Variants in ADCY5 observed in about 807,000 individuals in gnomAD.
ADCY5 encodes the protein adenylate cyclase type 5.
A neutral mutation model predicts 119.7 loss-of-function variants in ADCY5; 30 were observed. The ratio of observed to expected loss-of-function variants is 0.25; its 90% CI spans 0.19 to 0.34. The LOEUF (loss-of-function observed/expected upper bound fraction) is 0.34, where lower values mean the gene tolerates loss of function less well. ADCY5 is among the 10% of genes least tolerant of loss of function. ADCY5 has a pLI of 1.00. For missense variants in ADCY5, 1,324 were observed against 1,775.2 expected, an observed-to-expected ratio of 0.75 and a Z score of 4.57; for synonymous variants, 753 against 762.2, an observed-to-expected ratio of 0.99 and a Z score of 0.20.
At chr3:123,317,957 C>A in intron 11 of ADCY5, 63 bp downstream of exon 11, 1 of 1,464,202 alleles carries the variant, frequency 6.8e-7, no homozygotes, top group Non-Finnish European at 9.5e-7. Flanking sequence ...ATGACCACCC[C>A]CTCCCACTCC....
At chr3:123,320,406 C>T (rs1011164566) in intron 9 of ADCY5, among the ~76,000 whole-genome samples, 4 of 152,226 alleles carry the variant, frequency 2.6e-5, no homozygotes, top group Non-Finnish European at 5.9e-5. Context: ...GAGAAGAGGG[C>T]ATTGCCTCGG....
At chr3:123,351,451 G>A (rs1472236819) in intron 2 of ADCY5, among the ~76,000 whole-genome samples, 10 of 152,210 alleles carry the variant, frequency 6.6e-5, no homozygotes, top group Non-Finnish European at 1.5e-5. Flanking sequence ...ATCAGCCATG[G>A]GGGCTGACGC....
chr3:123,315,249 G>A (rs1021558642), intron 11 of ADCY5, among the ~76,000 whole-genome samples: 34 of 152,344 alleles, frequency 2.2e-4, no homozygotes, highest in Middle Eastern at 3.4e-3. Flanking sequence ...TTCAAACAGC[G>A]TCTTTGTTCC....
chr3:123,367,749 G>A (rs548817702), intron 1 of ADCY5, among the ~76,000 whole-genome samples: 50 of 151,996 alleles, frequency 3.3e-4, no homozygotes, highest in African/African-American at 1.0e-3. Flanking sequence ...AGCTTCCCTC[G>A]TGCCTTCCCC....
intron 1 of ADCY5, among the ~76,000 whole-genome samples, chr3:123,381,137 C>G (rs1375513567): frequency 6.6e-6 from 1 of 152,240 alleles, no homozygotes; most frequent in African/African-American, 2.4e-5. Context: ...GAATTTAATA[C>G]TCTGTTTCAG....
At chr3:123,319,081 T>C (rs1456452850) in intron 10 of ADCY5, among the ~76,000 whole-genome samples, 1 of 152,176 alleles carries the variant, frequency 6.6e-6, no homozygotes, top group Non-Finnish European at 1.5e-5. Context: ...CTGCTGGGCA[T>C]GGTGGCTCAC....
chr3:123,318,954 C>T (rs1300241465), intron 10 of ADCY5, among the ~76,000 whole-genome samples: 1 of 152,174 alleles, frequency 6.6e-6, no homozygotes, highest in African/African-American at 2.4e-5. Context: ...ACCTTGAGGT[C>T]CCAATGTGAC....
chr3:123,339,689 G>C (rs922208386), intron 3 of ADCY5, among the ~76,000 whole-genome samples: 1 of 152,096 alleles, frequency 6.6e-6, no homozygotes, highest in Non-Finnish European at 1.5e-5. Flanking sequence ...TCCTAGATTC[G>C]ACTAAGGGCC....
In ADCY5 at chr3:123,396,819, C is replaced by CGAGAGAGAGA. The variant is rs146072347; in HGVS notation, c.1135-44248_1135-44239dup. ...GCAGGCAGGCAGGCAGGCAGGCAGG[C>CGAGAGAGAGA]GAGAGAGAGAGAGAGAGAGAGAGAC... On this transcript the variant is annotated intron_variant, in intron 1 of 20. Coordinates refer to ENST00000462833, the MANE Select transcript of ADCY5 (RefSeq NM_183357.3). 1.7e-3 allele frequency among the ~76,000 whole-genome samples: 104 copies of CGAGAGAGAGA among 62,354 alleles called. 5 individuals carry two copies. The highest frequency in any genetic ancestry group is 5.8e-3 in the African/African-American group (101 of 17,312). The allele number at this position is 62,354 out of a possible 152,430, so 40.9% of individuals were successfully genotyped here.
chr3:123,353,195 G>A (rs919309477), intron 1 of ADCY5, among the ~76,000 whole-genome samples: 6 of 152,076 alleles, frequency 3.9e-5, no homozygotes, highest in Non-Finnish European at 7.4e-5. Flanking sequence ...TGCACCAGCC[G>A]GCCAGTGCCT....
Position 123,328,815 on chromosome 3 carries a change from CA to C in ADCY5, c.1647-14del. 1 of 1,613,498 alleles carries C rather than the reference CA, an allele frequency of 6.2e-7. No homozygotes were observed. Among genetic ancestry groups the C allele is most frequent in the Non-Finnish European group, 8.5e-7 (1 of 1,179,622 alleles). On this transcript the variant is annotated splice_polypyrimidine_tract_variant and intron_variant, in intron 5 of 20. Coordinates refer to ENST00000462833, the MANE Select transcript of ADCY5 (RefSeq NM_183357.3). ...CTCCCGGACCAACCTGGGGATGGAG[CA>C]GGAGTAAAGCTGGGAGAAGGCTGGA...
intron 1 of ADCY5, among the ~76,000 whole-genome samples, chr3:123,421,664 G>A (rs1391220818): frequency 6.6e-6 from 1 of 152,164 alleles, no homozygotes; most frequent in Non-Finnish European, 1.5e-5. Flanking sequence ...AAAGAGTAAA[G>A]GGCATGGGGG....
intron 3 of ADCY5, 118 bp from the exon 4 acceptor site, chr3:123,332,793 T>C (rs1262874793): frequency 3.2e-5 from 22 of 696,608 alleles, no homozygotes; most frequent in Non-Finnish European, 5.2e-5. Flanking sequence ...CTTGCTCTAT[T>C]GCCCAGGCTG....
intron 1 of ADCY5, among the ~76,000 whole-genome samples, chr3:123,366,484 A>G (rs1943443012): frequency 2.6e-5 from 4 of 152,196 alleles, no homozygotes; most frequent in Non-Finnish European, 1.5e-5. Context: ...GAAACATGAG[A>G]TGTGGTGACA....
In ADCY5 at chr3:123,347,807, A is replaced by C; in HGVS notation, c.1381T>G (p.Tyr461Asp). 1 of 1,614,072 alleles carries C rather than the reference A, an allele frequency of 6.2e-7. No individual in the cohort carries two copies. The highest frequency in any genetic ancestry group is 8.5e-7 in the Non-Finnish European group (1 of 1,179,980). ...CTCACGTTGTCATGTTTCTGGATGTAAATCTTATGGAACATCATATCCTCC... is the reference window on the plus strand; with the variant it reads ...CTCACGTTGTCATGTTTCTGGATGTCAATCTTATGGAACATCATATCCTCC... The part of the protein sequence containing the change: ...KQEDMMFHKI[Y>D]IQKHDNVSIL... Residue 461 changes from tyrosine to aspartate, a missense_variant, in exon 3 of 21, where the codon TAC (tyrosine) becomes GAC (aspartate). Physicochemically the swap from Tyr to Asp is radical, Grantham distance 160 (BLOSUM62 -3). This residue lies in a region of ADCY5 where 123 missense variants were observed against 287.9 expected (regional missense o/e 0.43). Coordinates refer to ENST00000462833, the MANE Select transcript of ADCY5 (RefSeq NM_183357.3).
chr3:123,440,773 C>T (rs1184510777), intron 1 of ADCY5, among the ~76,000 whole-genome samples: 1 of 152,142 alleles, frequency 6.6e-6, no homozygotes, highest in East Asian at 1.9e-4. Flanking sequence ...TTTCTACTAA[C>T]CTCCCCCTCA....
At chr3:123,324,655 T>C (rs1941387515) in intron 8 of ADCY5, among the ~76,000 whole-genome samples, 1 of 152,144 alleles carries the variant, frequency 6.6e-6, no homozygotes, top group South Asian at 2.1e-4. Context: ...CTTCCTGTCA[T>C]TGCTGCCAGA....
chr3:123,397,132 A>G (rs1185505702), intron 1 of ADCY5, among the ~76,000 whole-genome samples: 1 of 152,188 alleles, frequency 6.6e-6, no homozygotes, highest in Non-Finnish European at 1.5e-5. Flanking sequence ...AATGGGTGGA[A>G]CTAGGTGGAA....
At chr3:123,415,333 G>A (rs1417587268) in intron 1 of ADCY5, among the ~76,000 whole-genome samples, 2 of 152,144 alleles carry the variant, frequency 1.3e-5, no homozygotes, top group South Asian at 2.1e-4. Flanking sequence ...CCAGCTCCAC[G>A]GTACACTAGT....
Sources: allele counts gnomAD v4.1 joint callset (sites outside exome capture counted in the v4.1 genomes callset), GRCh38; gene constraint gnomAD v4.1.1; regional missense constraint gnomAD v4.1.1; transcripts MANE v1.5; gene names NCBI Gene and HGNC (gene_info 2026-07-23, HGNC 2026-07-21).